GSE1: variants seen among roughly 807,000 people sequenced by gnomAD.
GSE1 encodes Gse1 coiled-coil protein.
A neutral mutation model predicts 112.6 loss-of-function variants in GSE1; 32 were observed. That is an observed-to-expected ratio of 0.28 (90% CI 0.21 to 0.38). The LOEUF (loss-of-function observed/expected upper bound fraction) is 0.38. Among genes scored for constraint, GSE1 ranks in the 10% least tolerant of loss-of-function variants. The pLI is 1.00. For missense variants in GSE1, 2,348 were observed against 1,699.2 expected (o/e 1.38, Z -6.71); for synonymous variants, 1,115 against 735.6 (o/e 1.52, Z -8.35).
chr16:85,178,776 C>T (rs1206484171), intron 1 of GSE1, among the ~76,000 whole-genome samples: 1 of 150,290 alleles, frequency 6.7e-6, no homozygotes, highest in Non-Finnish European at 1.5e-5. Context: ...AGCAGAGTGG[C>T]CGGAGAGAGG....
chr16:85,668,767 C>G (rs1043722070), intron 14 of GSE1, among the ~76,000 whole-genome samples: 2 of 152,230 alleles, frequency 1.3e-5, no homozygotes, highest in Non-Finnish European at 2.9e-5. Context: ...GGTTGATTTG[C>G]TGAGCCCTGG....
chr16:85,456,578 C>CCG (rs2049830933), intron 2 of GSE1, among the ~76,000 whole-genome samples: 1 of 67,662 alleles, frequency 1.5e-5, no homozygotes, highest in Admixed American at 1.4e-4. Flanking sequence ...CATTTTCCTG[C>CCG]CGTGTGTGTG....
At chr16:85,193,397 C>T (rs1414887254) in intron 1 of GSE1, among the ~76,000 whole-genome samples, 2 of 152,120 alleles carry the variant, frequency 1.3e-5, no homozygotes, top group African/African-American at 2.4e-5. Context: ...AGTTGGAGTA[C>T]AGTGGCATAT....
At chr16:85,606,929 G>A (rs116534600), upstream of GSE1, among the ~76,000 whole-genome samples, 268 of 152,302 alleles carry the variant, frequency 1.8e-3, 3 homozygotes, top group African/African-American at 5.9e-3. Flanking sequence ...GCCTGGCCCC[G>A]CCATATAAAG....
intron 1 of GSE1, among the ~76,000 whole-genome samples, chr16:85,627,679 G>A (rs1052836296): frequency 4.7e-5 from 7 of 149,212 alleles, no homozygotes; most frequent in South Asian, 4.5e-4. Context: ...CCGGCCCCCC[G>A]GCCCCCCGGC....
chr16:85,568,880 C>T (rs145031862), intron 1 of GSE1, among the ~76,000 whole-genome samples: 29 of 152,302 alleles, frequency 1.9e-4, no homozygotes, highest in Non-Finnish European at 2.9e-4. Flanking sequence ...ATGAGGGTGA[C>T]GTCTGTGCAG....
At chr16:85,266,470 C>T (rs745493096) in intron 1 of GSE1, among the ~76,000 whole-genome samples, 17 of 152,120 alleles carry the variant, frequency 1.1e-4, no homozygotes, top group Non-Finnish European at 1.8e-4. Context: ...CGAGGGTCTC[C>T]GGCACAAGGA....
intron 2 of GSE1, among the ~76,000 whole-genome samples, chr16:85,491,374 T>C (rs1274084419): frequency 6.6e-6 from 1 of 152,090 alleles, no homozygotes; most frequent in Non-Finnish European, 1.5e-5. Context: ...GGAAGCTCCC[T>C]ACAGGAACAG....
intron 1 of GSE1, among the ~76,000 whole-genome samples, chr16:85,260,319 CTTT>C (rs111292010): frequency 5.3e-5 from 5 of 94,864 alleles, no homozygotes; most frequent in Admixed American, 3.5e-4. Flanking sequence ...TTTTTCTTTT[CTTT>C]TTTTTTTTTT....
chr16:85,250,586 A>G (rs1346322341), intron 1 of GSE1, among the ~76,000 whole-genome samples: 2 of 152,162 alleles, frequency 1.3e-5, no homozygotes, highest in Admixed American at 1.3e-4. Flanking sequence ...TCATTTTTGT[A>G]TTTCAAAAAT....
intron 2 of GSE1, among the ~76,000 whole-genome samples, chr16:85,408,091 G>A (rs1234564345): frequency 2.1e-5 from 1 of 48,390 alleles, no homozygotes. Flanking sequence ...GTTACACTCA[G>A]GGCCCCCCTG....
chr16:85,279,294 C>T (rs1391728445), intron 1 of GSE1, among the ~76,000 whole-genome samples: 1 of 152,194 alleles, frequency 6.6e-6, no homozygotes, highest in Non-Finnish European at 1.5e-5. Flanking sequence ...CCATGCAAGC[C>T]CGCTACAAGC....
intron 2 of GSE1, among the ~76,000 whole-genome samples, chr16:85,506,704 A>G (rs969540266): frequency 2.0e-5 from 3 of 152,182 alleles, no homozygotes; most frequent in African/African-American, 7.2e-5. Flanking sequence ...AATCATAACA[A>G]CTGCTAACGT....
At chr16:85,375,720 C>T (rs1464210833) in intron 2 of GSE1, among the ~76,000 whole-genome samples, 4 of 115,616 alleles carry the variant, frequency 3.5e-5, no homozygotes, top group South Asian at 2.9e-4. Context: ...CCAGCACAGG[C>T]GAGGGAACCA....
intron 1 of GSE1, among the ~76,000 whole-genome samples, chr16:85,238,304 C>T (rs1597873071): frequency 6.6e-6 from 1 of 152,248 alleles, no homozygotes. Context: ...CCTTCTCCCT[C>T]AGTGCCTGTT....
At chr16:85,346,393 T>A (rs1297806043) in intron 1 of GSE1, among the ~76,000 whole-genome samples, 1 of 143,898 alleles carries the variant, frequency 6.9e-6, no homozygotes, top group Non-Finnish European at 1.5e-5. Flanking sequence ...GGATGATGGA[T>A]GGATGGATGA....
intron 1 of GSE1, among the ~76,000 whole-genome samples, chr16:85,305,174 GTCTACAC>G (rs1567676203): frequency 2.0e-5 from 3 of 152,182 alleles, no homozygotes; most frequent in Non-Finnish European, 2.9e-5. Flanking sequence ...CTGGAGCAGG[GTCTACAC>G]GTGAGAATCA....
chr16:85,674,364 A>C lies in GSE1; in HGVS notation c.*1825A>C, dbSNP rs941493482. ...TGTACCGCCAGTATTATCAGCAGTC[A>C]ACAAGCACCTTCCTCTCCACAGAAG... On this transcript the variant is annotated 3_prime_UTR_variant, in exon 16 of 16. Transcript: ENST00000253458. 1 of 152,300 alleles carries C rather than the reference A, an allele frequency of 6.6e-6. No individual in the cohort carries two copies. The highest frequency in any genetic ancestry group is 2.4e-5 in the African/African-American group (1 of 41,464). 9.4% of individuals were successfully genotyped at this position (152,300 alleles called of 1,614,324 possible). A position where few individuals can be genotyped will look rare whatever the true frequency, so the allele number is the denominator to read the frequency against.
rs2050862233 is a variant in GSE1, at chr16:85,486,972, C to T, written c.2464+129329C>T. On this transcript the variant is annotated intron_variant, in intron 2 of 2. Transcript: ENST00000637419. Reference sequence around the variant, plus strand: ...TTTGTGCCTAGCCCTGTGCCCACCTCAGTATAGGCACCCCAGGGACTTGGG... The same window carrying T: ...TTTGTGCCTAGCCCTGTGCCCACCTTAGTATAGGCACCCCAGGGACTTGGG... Among the ~76,000 whole-genome samples the T allele has an allele frequency of 2.0e-5, 3 of 152,270 alleles. No homozygotes were observed. The South Asian group carries it at 6.2e-4, about 32-fold the overall frequency.
Sources: allele counts gnomAD v4.1 joint callset (sites outside exome capture counted in the v4.1 genomes callset), GRCh38; gene constraint gnomAD v4.1.1; transcripts MANE v1.5; gene names NCBI Gene and HGNC (gene_info 2026-07-23, HGNC 2026-07-21).